CSMD2: variants seen among roughly 807,000 people sequenced by gnomAD.
CSMD2 encodes the protein CUB and sushi domain-containing protein 2.
In CSMD2, 130 loss-of-function variants were observed where a neutral mutation model predicts 398.5. The observed-to-expected ratio is 0.33, with a 90% confidence interval of 0.28 to 0.38. The LOEUF (loss-of-function observed/expected upper bound fraction) is 0.38. Ranked by LOEUF, CSMD2 falls within the 10% of genes least tolerant of loss-of-function variation. The pLI is 1.00. For synonymous variants in CSMD2, 1,828 were observed against 1,908.5 expected (o/e 0.96, Z 1.10); for missense variants, 3,829 against 4,764.9 (o/e 0.80, Z 5.78).
chr1:33,752,491 C>CT (rs1163773005), intron 13 of CSMD2, among the ~76,000 whole-genome samples: 1 of 152,216 alleles, frequency 6.6e-6, no homozygotes, highest in African/African-American at 2.4e-5. Flanking sequence ...GGTGCCATGC[C>CT]TGTACAGCCT....
chr1:34,142,588 C>T (rs1639405050), intron 1 of CSMD2, among the ~76,000 whole-genome samples: 1 of 152,316 alleles, frequency 6.6e-6, no homozygotes, highest in South Asian at 2.1e-4. Flanking sequence ...ATGGCCCCCT[C>T]TCTCCATCTT....
At chr1:33,871,459 T>A (rs2125145422) in intron 5 of CSMD2, among the ~76,000 whole-genome samples, 1 of 152,320 alleles carries the variant, frequency 6.6e-6, no homozygotes, top group Non-Finnish European at 1.5e-5. Context: ...TATCTAAAGC[T>A]GGGTAATTTG....
At chr1:33,549,356 G>A (rs1411725497) in intron 56 of CSMD2, among the ~76,000 whole-genome samples, 1 of 152,182 alleles carries the variant, frequency 6.6e-6, no homozygotes, top group African/African-American at 2.4e-5. Context: ...CCTCTTGCAG[G>A]CAACATGGAA....
At chr1:33,607,777 G>C (rs1640719779) in intron 41 of CSMD2, among the ~76,000 whole-genome samples, 1 of 152,214 alleles carries the variant, frequency 6.6e-6, no homozygotes, top group South Asian at 2.1e-4. Flanking sequence ...GCTGTGCCTG[G>C]GACTGAAGGG....
intron 12 of CSMD2, among the ~76,000 whole-genome samples, chr1:33,786,420 C>A (rs1006895676): frequency 1.3e-5 from 2 of 152,150 alleles, no homozygotes; most frequent in African/African-American, 4.8e-5. Flanking sequence ...GGGCTTGGAC[C>A]TGAATCAAGG....
intron 1 of CSMD2, among the ~76,000 whole-genome samples, chr1:34,140,522 T>C (rs1571244784): frequency 6.6e-6 from 1 of 152,154 alleles, no homozygotes; most frequent in South Asian, 2.1e-4. Flanking sequence ...GCAGGTCCCA[T>C]CACCTTGGCA....
At chr1:33,982,160 G>C (rs1445037102) in intron 3 of CSMD2, among the ~76,000 whole-genome samples, 2 of 152,166 alleles carry the variant, frequency 1.3e-5, no homozygotes, top group Admixed American at 1.3e-4. Context: ...AGAAGTGGGT[G>C]ATGGAGAGAT....
chr1:33,736,957 T>A (rs1296971804), intron 15 of CSMD2, among the ~76,000 whole-genome samples: 1 of 152,142 alleles, frequency 6.6e-6, no homozygotes, highest in Non-Finnish European at 1.5e-5. Flanking sequence ...AAGTGGTCAA[T>A]GAGTGCAAGG....
In CSMD2 at chr1:33,559,974, G is replaced by A. The variant is rs559497856; in HGVS notation, c.8381-501C>T. On this transcript the variant is annotated intron_variant, in intron 53 of 70. Coordinates refer to ENST00000373381, the MANE Select transcript of CSMD2 (RefSeq NM_001281956.2). The surrounding 1 kb of genome is among the most constrained non-coding windows in gnomAD (Gnocchi z 4.0). ...AACTGGGGAAGCAGAGCTGCTGTTT[G>A]GAGAGAACCCACTACCTCCAATTCC... is the stretch of plus-strand genomic sequence containing the variant. Among the ~76,000 whole-genome samples the A allele has an allele frequency of 1.6e-4, 24 of 152,300 alleles. No individual in the cohort carries two copies. The South Asian group carries it at 4.4e-3, about 28-fold the overall frequency.
At chr1:33,863,744 A>T (rs1639726942) in intron 5 of CSMD2, 1 of 158,188 alleles carries the variant, frequency 6.3e-6, no homozygotes, top group Admixed American at 6.2e-5. Flanking sequence ...GCATCCTGAA[A>T]ATCGTATAGT....
At chr1:33,593,765 A>T (rs1206048655) in intron 44 of CSMD2, among the ~76,000 whole-genome samples, 4 of 152,176 alleles carry the variant, frequency 2.6e-5, no homozygotes, top group Non-Finnish European at 4.4e-5. Flanking sequence ...ATTTTATTCT[A>T]CTGCTGTATC....
intron 47 of CSMD2, among the ~76,000 whole-genome samples, chr1:33,582,950 T>C (rs1300544850): frequency 6.6e-6 from 1 of 152,194 alleles, no homozygotes; most frequent in Non-Finnish European, 1.5e-5. Context: ...TCACATGAGG[T>C]AGACAACAGT....
intron 4 of CSMD2, among the ~76,000 whole-genome samples, chr1:33,935,502 G>A (rs1024312175): frequency 1.8e-4 from 27 of 152,206 alleles, no homozygotes; most frequent in African/African-American, 6.0e-4. Flanking sequence ...AGAGGTAAGG[G>A]AAGACTGGCT....
intron 13 of CSMD2, among the ~76,000 whole-genome samples, chr1:33,746,588 G>C (rs911114903): frequency 1.3e-5 from 2 of 152,126 alleles, no homozygotes; most frequent in Non-Finnish European, 2.9e-5. Context: ...TGATAGCTCT[G>C]CTTATCATTC....
chr1:33,611,506 T>C (rs1641003092), intron 40 of CSMD2, among the ~76,000 whole-genome samples: 1 of 152,254 alleles, frequency 6.6e-6, no homozygotes, highest in South Asian at 2.1e-4. Flanking sequence ...GGAGTTCATT[T>C]TATTTTGTTG....
intron 2 of CSMD2, among the ~76,000 whole-genome samples, chr1:34,069,347 G>A (rs1655464975): frequency 6.6e-6 from 1 of 152,188 alleles, no homozygotes; most frequent in South Asian, 2.1e-4. Context: ...AACTTTTATG[G>A]TGGTGACCTC....
At chr1:34,154,066 T>G (rs74355352) in intron 1 of CSMD2, among the ~76,000 whole-genome samples, 3,961 of 152,280 alleles carry the variant, frequency 0.026, 69 homozygotes, top group African/African-American at 0.041. Flanking sequence ...AGAGATCCAA[T>G]TTTTAAATGG....
intron 3 of CSMD2, among the ~76,000 whole-genome samples, chr1:33,952,197 G>T (rs1645028017): frequency 6.6e-6 from 1 of 152,212 alleles, no homozygotes; most frequent in Non-Finnish European, 1.5e-5. Flanking sequence ...GGCAATGTGT[G>T]AAATGCCACC....
In CSMD2 at chr1:33,807,004, CTTAA is replaced by C. The variant is rs557744277; in HGVS notation, c.1446+3735_1446+3738del. On this transcript the variant is annotated intron_variant, in intron 10 of 70. Coordinates refer to ENST00000373381, the MANE Select transcript of CSMD2 (RefSeq NM_001281956.2). ...AGATACAATCCATAGATTCAAGAAACTTAATTAAACAGGATGAATACAAAAAATA... is the reference window on the plus strand; with the variant it reads ...AGATACAATCCATAGATTCAAGAAACTTAAACAGGATGAATACAAAAAATA... Among the ~76,000 whole-genome samples the C allele has an allele frequency of 3.0e-3, 452 of 152,244 alleles. 4 individuals carry two copies. Among genetic ancestry groups the C allele is most frequent in the African/African-American group, 0.01 (417 of 41,546 alleles).
Sources: gnomAD v4.1 joint callset for allele counts (sites outside exome capture counted in the v4.1 genomes callset) on GRCh38, gnomAD v4.1.1 for gene constraint, Gnocchi (gnomAD v3.1) non-coding constraint, MANE v1.5 for transcripts, NCBI Gene and HGNC (gene_info 2026-07-23, HGNC 2026-07-21) for gene names.